Variants in RPL26L1 observed in about 807,000 individuals in gnomAD.
The protein encoded by RPL26L1 is ribosomal protein L26 like 1.
RPL26L1 carries 8 observed loss-of-function variants against 15.2 expected under a neutral mutation model. The observed-to-expected ratio is 0.53, with a 90% CI of 0.31 to 0.95. The LOEUF (loss-of-function observed/expected upper bound fraction) is 0.95. Among genes scored for constraint, RPL26L1 ranks in the 40% least tolerant of loss-of-function variants. The pLI, the probability that RPL26L1 is intolerant of heterozygous loss-of-function variation, is 0.05. For synonymous variants in RPL26L1, 51 were observed against 65.9 expected (o/e 0.77, Z 1.09); for missense variants, 146 against 190.9 (o/e 0.76, Z 1.39).
upstream of RPL26L1, chr5:172,959,221 C>CAAA: frequency 1.6e-5 from 3 of 193,372 alleles, no homozygotes; most frequent in Non-Finnish European, 2.5e-5. Context: ...GACTCCGTCT[C>CAAA]AAAAAAAAAA....
Position 172,959,966 on chromosome 5 carries a change from A to T in RPL26L1, c.93A>T (p.Ser31=), listed in dbSNP as rs1755161032. 6.2e-7 allele frequency: 1 copy of T among 1,614,064 alleles called. No individual in the cohort carries two copies. The highest frequency in any genetic ancestry group is 8.5e-7 in the Non-Finnish European group (1 of 1,180,042). ...CACACGTGCGCAGGAAGATCATGTC[A>T]TCCCCGCTCTCCAAGGAGCTGCGGC... The part of the protein sequence containing the change: ...APSHVRRKIM[S]SPLSKELRQK... Residue 31 remains serine, a synonymous_variant, in exon 2 of 4, where the codon TCA becomes TCT. Coordinates refer to ENST00000265100, the MANE Select transcript of RPL26L1 (RefSeq NM_016093.4).
intron 2 of RPL26L1, 136 bp downstream of exon 2, chr5:172,960,177 G>T: frequency 2.0e-6 from 2 of 987,314 alleles, no homozygotes; most frequent in East Asian, 2.5e-5. Context: ...CCAGAGATAG[G>T]GTTCAGAGCC....
upstream of RPL26L1, chr5:172,957,363 C>T: frequency 2.3e-6 from 1 of 436,850 alleles, no homozygotes; most frequent in South Asian, 1.6e-5. Context: ...CCCTGCTCTG[C>T]TTGATCATGG....
At chr5:172,959,621 C>T in intron 1 of RPL26L1, 153 bp downstream of exon 1, 2 of 1,254,290 alleles carry the variant, frequency 1.6e-6, no homozygotes, top group East Asian at 3.8e-5. Flanking sequence ...CCTTCCTCAG[C>T]CTCAAGGTCC....
At chr5:172,966,313 A>AT (rs386405707) in intron 2 of RPL26L1, among the ~76,000 whole-genome samples, 785 of 63,644 alleles carry the variant, frequency 0.012, 194 homozygotes, top group Non-Finnish European at 0.014. Context: ...CTGGCTAACT[A>AT]TTTTTTTTTT....
upstream of RPL26L1, chr5:172,958,583 G>A: frequency 2.7e-6 from 1 of 366,104 alleles, no homozygotes; most frequent in Non-Finnish European, 5.7e-6. Context: ...CCGCCACGGT[G>A]CCCACGGAGG....
In RPL26L1 at chr5:172,968,443, T is replaced by C. The variant is rs766945037; in HGVS notation, c.169-16T>C. 2 of 1,612,508 alleles carry C rather than the reference T, an allele frequency of 1.2e-6. No individual in the cohort carries two copies. Among genetic ancestry groups the C allele is most frequent in the East Asian group, 2.2e-5 (1 of 44,848 alleles). ...ACTACAAATGGAGGGGGATTCTCTT[T>C]TGTATTTTCTCTTAGGTAGTTCGAG... On this transcript the variant is annotated splice_polypyrimidine_tract_variant and intron_variant, in intron 2 of 3. Transcript: ENST00000265100.
upstream of RPL26L1, chr5:172,959,259 A>T: frequency 2.5e-6 from 1 of 407,556 alleles, no homozygotes; most frequent in Non-Finnish European, 3.3e-6. Flanking sequence ...CCTCTACCGC[A>T]GGCCCTACAC....
At chr5:172,967,286 G>A (rs1168096162) in intron 2 of RPL26L1, among the ~76,000 whole-genome samples, 6 of 151,970 alleles carry the variant, frequency 3.9e-5, no homozygotes, top group Non-Finnish European at 5.9e-5. Context: ...CCAATATGGC[G>A]AAACCTGGTC....
upstream of RPL26L1, among the ~76,000 whole-genome samples, chr5:172,954,106 C>T (rs1313955346): frequency 1.3e-5 from 2 of 152,156 alleles, no homozygotes; most frequent in African/African-American, 2.4e-5. Context: ...ACCAGTTGTG[C>T]TTTTATACTG....
Position 172,960,118 on chromosome 5 carries a change from A to T in RPL26L1, c.168+77A>T, listed in dbSNP as rs533617625. On this transcript the variant is annotated intron_variant, in intron 2 of 3. Coordinates refer to ENST00000265100, the MANE Select transcript of RPL26L1 (RefSeq NM_016093.4). The stretch of plus-strand genomic sequence containing the variant: ...TCATGCGTGGAGCAGTCACAGACTC[A>T]CATGCCTCAGGACTCTGGAAAGTAG... 1.9e-6 allele frequency: 3 copies of T among 1,546,794 alleles called. No homozygotes were observed. In the Admixed American group the frequency reaches 5.0e-5, roughly 26 times the overall value.
chr5:172,954,821 A>G (rs1384523792), upstream of RPL26L1: 9 of 402,976 alleles, frequency 2.2e-5, no homozygotes, highest in African/African-American at 4.2e-5. Flanking sequence ...TCTCCTTTCA[A>G]TGAACTTTTC....
At chr5:172,961,825 A>G (rs1755242968) in intron 2 of RPL26L1, among the ~76,000 whole-genome samples, 1 of 152,220 alleles carries the variant, frequency 6.6e-6, no homozygotes, top group Admixed American at 6.5e-5. Flanking sequence ...GACAACCTGT[A>G]TATCTGACTA....
intron 1 of RPL26L1, 156 bp from the exon 2 acceptor site, chr5:172,959,709 G>C (rs908001065): frequency 9.1e-7 from 1 of 1,100,920 alleles, no homozygotes; most frequent in East Asian, 2.5e-5. Context: ...GTGATAGTCA[G>C]ACTAGTCGCA....
chr5:172,955,257 T>G, upstream of RPL26L1: 1 of 320,262 alleles, frequency 3.1e-6, no homozygotes, highest in Non-Finnish European at 6.1e-6. Context: ...GCCTCCTGAG[T>G]AGCTGAGATT....
upstream of RPL26L1, chr5:172,958,770 A>G: frequency 4.3e-6 from 1 of 235,094 alleles, no homozygotes; most frequent in African/African-American, 2.2e-5. Context: ...CGGCGGGGCC[A>G]GGCACGGGCA....
At chr5:172,959,795 C>G (rs1451792822) in intron 1 of RPL26L1, 70 bp from the exon 2 acceptor site, 2 of 1,523,654 alleles carry the variant, frequency 1.3e-6, no homozygotes, top group East Asian at 2.3e-5. Context: ...TGAGGAGTGT[C>G]TTGGGTCGAG....
rs942169009 is a variant in RPL26L1, at chr5:172,959,923, G to T, written c.50G>T (p.Arg17Leu). The T allele has an allele frequency of 1.2e-6, 2 of 1,614,034 alleles. No homozygotes were observed. Among genetic ancestry groups the T allele is most frequent in the Non-Finnish European group, 1.7e-6 (2 of 1,180,026 alleles). The part of the protein sequence containing the change: ...VTSDRSKNRK[R>L]HFNAPSHVRR... ...TCGGACCGCAGTAAAAACCGCAAAC[G>T]TCACTTCAATGCCCCCTCACACGTG... is the stretch of plus-strand genomic sequence containing the variant. Residue 17 changes from arginine (R) to leucine (L), a missense_variant, in exon 2 of 4, where the codon CGT becomes CTT. Transcript: ENST00000265100.
At chr5:172,962,430 C>A (rs1028680339) in intron 2 of RPL26L1, among the ~76,000 whole-genome samples, 3 of 152,220 alleles carry the variant, frequency 2.0e-5, no homozygotes, top group African/African-American at 7.2e-5. Context: ...ATCGCTTGAA[C>A]CCGGGAGGCG....
Sources: allele counts gnomAD v4.1 joint callset (sites outside exome capture counted in the v4.1 genomes callset), GRCh38; gene constraint gnomAD v4.1.1; transcripts MANE v1.5; gene names NCBI Gene and HGNC (gene_info 2026-07-23, HGNC 2026-07-21).